The following SIRPG variants were observed in gnomAD, a reference collection of about 807,000 sequenced individuals.
SIRPG encodes signal-regulatory protein gamma.
A neutral mutation model predicts 35.7 loss-of-function variants in SIRPG; 38 were observed. That is an observed-to-expected ratio of 1.06 (90% CI 0.82 to 1.40). The LOEUF is 1.40. Among genes scored for constraint, SIRPG ranks in the 40% most tolerant of loss-of-function variants. The pLI is 0.00. For synonymous variants in SIRPG, 215 were observed against 190.4 expected, an observed-to-expected ratio of 1.13 and a Z score of -1.06; for missense variants, 519 against 483.0, an observed-to-expected ratio of 1.07 and a Z score of -0.70.
intron 5 of SIRPG, 75 bp downstream of exon 5, chr20:1,630,147 A>T: frequency 8.8e-7 from 1 of 1,139,548 alleles, no homozygotes; most frequent in South Asian, 1.3e-5. Flanking sequence ...GCTGCATGGC[A>T]TGTGGGCTGG....
At chr20:1,671,802 C>T in the SIRPG span, among the ~76,000 whole-genome samples, 2 of 152,222 alleles carry the variant, frequency 1.3e-5, no homozygotes, top group African/African-American at 4.8e-5. Context: ...GGAGCATGTC[C>T]TTAAGGCACA....
At chr20:1,633,350 A>G (rs1294604790) in intron 4 of SIRPG, among the ~76,000 whole-genome samples, 1 of 152,276 alleles carries the variant, frequency 6.6e-6, no homozygotes, top group Admixed American at 6.5e-5. Context: ...AGTGCACAGA[A>G]AGATAGTCAT....
the SIRPG span, among the ~76,000 whole-genome samples, chr20:1,675,484 G>C: frequency 6.6e-6 from 1 of 152,160 alleles, no homozygotes; most frequent in Non-Finnish European, 1.5e-5. Context: ...GTAAAACAGA[G>C]CAATGCAAGA....
At chr20:1,644,389 G>A (rs1600213461) in intron 2 of SIRPG, among the ~76,000 whole-genome samples, 1 of 152,212 alleles carries the variant, frequency 6.6e-6, no homozygotes. Context: ...TACCTCTTGG[G>A]AACAAGCCAT....
chr20:1,652,824 T>C (rs2091949552), intron 1 of SIRPG, among the ~76,000 whole-genome samples: 1 of 152,232 alleles, frequency 6.6e-6, no homozygotes. Context: ...GCAGTGGATG[T>C]AAGCAACAAA....
At chr20:1,682,492 A>T in the SIRPG span, among the ~76,000 whole-genome samples, 2 of 152,222 alleles carry the variant, frequency 1.3e-5, no homozygotes, top group Admixed American at 1.3e-4. Flanking sequence ...CTGTCAATGA[A>T]TTACATATAG....
At chr20:1,642,528 CCTGT>C (rs1424261121) in intron 2 of SIRPG, among the ~76,000 whole-genome samples, 2 of 152,094 alleles carry the variant, frequency 1.3e-5, no homozygotes, top group East Asian at 1.9e-4. Context: ...ATCCAATTTG[CCTGT>C]CTATGTCTTT....
chr20:1,673,225 AC>A, the SIRPG span, among the ~76,000 whole-genome samples: 1 of 152,156 alleles, frequency 6.6e-6, no homozygotes, highest in Non-Finnish European at 1.5e-5. Flanking sequence ...GGCGACCCTA[AC>A]GGGATGAGAG....
At chr20:1,659,387 C>G (rs2122595273), upstream of SIRPG, among the ~76,000 whole-genome samples, 1 of 152,344 alleles carries the variant, frequency 6.6e-6, no homozygotes, top group African/African-American at 2.4e-5. Context: ...ATCTTCCCCT[C>G]CTTCTCCACA....
intron 2 of SIRPG, among the ~76,000 whole-genome samples, chr20:1,648,660 A>T (rs916188829): frequency 6.6e-5 from 10 of 152,104 alleles, no homozygotes; most frequent in Non-Finnish European, 1.5e-4. Flanking sequence ...ATAAAAAAAA[A>T]TAAAAAAAAG....
upstream of SIRPG, among the ~76,000 whole-genome samples, chr20:1,659,380 T>G (rs925112731): frequency 1.3e-5 from 2 of 152,240 alleles, no homozygotes; most frequent in African/African-American, 4.8e-5. Flanking sequence ...GGGTGAAATC[T>G]TCCCCTCCTT....
intron 2 of SIRPG, chr20:1,646,202 A>C (rs1417079629): frequency 6.6e-6 from 1 of 152,216 alleles, no homozygotes; most frequent in Admixed American, 6.5e-5. Context: ...CCCAACACTG[A>C]CTGCACACCC....
chr20:1,657,717 T>C lies in SIRPG; in HGVS notation c.-3A>G. ...GGCCAGGAGGCTGGGACAGGCATTT[T>C]GGAGACCTCAGAAGCCTGCTCTGTT... On this transcript the variant is annotated 5_prime_UTR_variant, in exon 1 of 6. Coordinates refer to ENST00000303415, the MANE Select transcript of SIRPG (RefSeq NM_018556.4). The C allele has an allele frequency of 6.2e-7, 1 of 1,614,090 alleles. No individual in the cohort carries two copies. The highest frequency in any genetic ancestry group is 8.5e-7 in the Non-Finnish European group (1 of 1,179,972).
the SIRPG span, among the ~76,000 whole-genome samples, chr20:1,668,839 A>C: frequency 6.6e-6 from 1 of 152,244 alleles, no homozygotes; most frequent in Non-Finnish European, 1.5e-5. Context: ...CTGAGTGAGC[A>C]GTGGACGTGA....
At chr20:1,646,230 T>A (rs532924048) in intron 2 of SIRPG, 1 of 152,386 alleles carries the variant, frequency 6.6e-6, no homozygotes, top group East Asian at 1.9e-4. Context: ...CCTTCGAGAT[T>A]CTTGACTTCA....
the SIRPG span, chr20:1,666,564 T>C: frequency 1.3e-5 from 2 of 152,198 alleles, no homozygotes; most frequent in Non-Finnish European, 2.9e-5. Context: ...AAAACTGTCA[T>C]ACTGATCAGC....
At chr20:1,660,703 C>G (rs2091993761), upstream of SIRPG, among the ~76,000 whole-genome samples, 1 of 152,110 alleles carries the variant, frequency 6.6e-6, no homozygotes, top group Non-Finnish European at 1.5e-5. Flanking sequence ...TTGAGAGGAC[C>G]AGGAACCTGG....
intron 2 of SIRPG, 82 bp downstream of exon 2, chr20:1,648,970 A>G (rs1236582851): frequency 1.6e-6 from 2 of 1,281,610 alleles, no homozygotes; most frequent in African/African-American, 2.9e-5. Context: ...ATCACACCTG[A>G]TTGTTGCTCA....
Position 1,649,115 on chromosome 20 carries a change from G to C in SIRPG, c.367C>G (p.Arg123Gly). The C allele has an allele frequency of 1.2e-6, 2 of 1,613,886 alleles. No individual in the cohort carries two copies. Among genetic ancestry groups the C allele is most frequent in the Non-Finnish European group, 1.7e-6 (2 of 1,179,870 alleles). Residue 123 changes from arginine to glycine, a missense_variant, in exon 2 of 6, where the codon CGA becomes GGA. Coordinates refer to ENST00000303415, the MANE Select transcript of SIRPG (RefSeq NM_018556.4). ...TCCACGTTCTCAGGGCTCCCTTTTC[G>C]AAACTTCACACAGTAGTATGTGCCG... ...DVGTYYCVKFRKGSPENVEFK... is the reference protein window; with the variant it reads ...DVGTYYCVKFGKGSPENVEFK...
Sources: allele counts gnomAD v4.1 joint callset (sites outside exome capture counted in the v4.1 genomes callset), GRCh38; gene constraint gnomAD v4.1.1; transcripts MANE v1.5; gene names NCBI Gene and HGNC (gene_info 2026-07-23, HGNC 2026-07-21).